EIF3L: variants seen among roughly 807,000 people sequenced by gnomAD.
The protein encoded by EIF3L is eukaryotic translation initiation factor 3 subunit L.
Under a neutral mutation model 74.6 loss-of-function variants are expected in EIF3L, and 32 were observed. The observed-to-expected ratio is 0.43, with a 90% CI of 0.32 to 0.58. The LOEUF is 0.58. Among genes scored for constraint, EIF3L ranks in the 20% least tolerant of loss-of-function variants. The probability of loss-of-function intolerance (pLI) is 0.06; values close to 1 mark genes in which losing one functional copy is unlikely to be tolerated. For missense variants in EIF3L, 474 were observed against 707.8 expected (o/e 0.67, Z 3.75); for synonymous variants, 256 against 254.4 (o/e 1.01, Z -0.06).
intron 3 of EIF3L, among the ~76,000 whole-genome samples, chr22:37,854,030 C>T (rs1035546351): frequency 6.6e-5 from 10 of 152,210 alleles, no homozygotes; most frequent in Admixed American, 2.6e-4. Context: ...GCAGTGCCCG[C>T]AGATACAGAT....
At chr22:37,849,737 C>G in intron 1 of EIF3L, 1 of 602,698 alleles carries the variant, frequency 1.7e-6, no homozygotes, top group South Asian at 2.1e-5. Flanking sequence ...TTCTGTGTTT[C>G]TGCACCTGAG....
In EIF3L at chr22:37,850,004, T is replaced by G; in HGVS notation, c.34-11T>G. On this transcript the variant is annotated splice_polypyrimidine_tract_variant and intron_variant, in intron 1 of 12. Transcript: ENST00000652021. ...TGGCGGCTGTCCTTGACTGTGTCTC[T>G]TTCCTTCTAGGCGGCTTATGACCCC... 1 of 1,613,682 alleles carries G rather than the reference T, an allele frequency of 6.2e-7. No homozygotes were observed. Among genetic ancestry groups the G allele is most frequent in the Non-Finnish European group, 8.5e-7 (1 of 1,179,722 alleles).
At chr22:37,854,924 A>G (rs763280691) in intron 3 of EIF3L, among the ~76,000 whole-genome samples, 3 of 152,030 alleles carry the variant, frequency 2.0e-5, no homozygotes, top group Admixed American at 2.0e-4. Flanking sequence ...TACAGGCGTG[A>G]GCCATCATGC....
In EIF3L at chr22:37,889,073, G is replaced by A. The variant is rs140384966; in HGVS notation, c.*609G>A. The A allele has an allele frequency of 1.5e-3, 235 of 151,938 alleles. 1 individual carries two copies. The highest frequency in any genetic ancestry group is 2.8e-3 in the Non-Finnish European group (193 of 68,092). The allele number at this position is 151,938 out of a possible 1,614,324, so 9.4% of individuals were successfully genotyped here. ...AAAATCTTTTTGTTTTTTTTTAGAC[G>A]GAGTCTCACTCTGTCGCCCAGGTTG... On this transcript the variant is annotated 3_prime_UTR_variant, in exon 13 of 13. Transcript: ENST00000652021.
intron 4 of EIF3L, among the ~76,000 whole-genome samples, chr22:37,858,117 A>C (rs1347247550): frequency 6.6e-6 from 1 of 151,718 alleles, no homozygotes; most frequent in East Asian, 1.9e-4. Context: ...TCGAGGCTGC[A>C]GTGAGCCATG....
chr22:37,867,406 C>G (rs1045460946), intron 7 of EIF3L, among the ~76,000 whole-genome samples: 1 of 152,228 alleles, frequency 6.6e-6, no homozygotes, highest in South Asian at 2.1e-4. Context: ...CGCCTGTAAT[C>G]TTAGCACTCT....
chr22:37,876,839 G>A (rs1301617494), intron 10 of EIF3L: 2 of 152,196 alleles, frequency 1.3e-5, no homozygotes, highest in African/African-American at 4.8e-5. Context: ...CAAGAATTGG[G>A]AGGAGCTTCC....
At chr22:37,858,524 T>A (rs1206110928) in intron 4 of EIF3L, 155 bp from the exon 5 acceptor site, 1 of 698,322 alleles carries the variant, frequency 1.4e-6, no homozygotes, top group African/African-American at 1.8e-5. Flanking sequence ...GAGAAGTGGA[T>A]TTTCTCATTG....
chr22:37,867,656 CAA>C lies in EIF3L; in HGVS notation c.580-2502_580-2501del, dbSNP rs59463385. The stretch of plus-strand genomic sequence containing the variant: ...TGGGCAGTAGAGTGAGATTCCGTCT[CAA>C]AAAAAAAAAAAAAAAAATCAGCGCG... On this transcript the variant is annotated intron_variant, in intron 7 of 12. Coordinates refer to ENST00000652021, the MANE Select transcript of EIF3L (RefSeq NM_016091.4). Among the ~76,000 whole-genome samples, 245 of 103,214 alleles carry C rather than the reference CAA, an allele frequency of 2.4e-3. 1 individual carries two copies. Among genetic ancestry groups the C allele is most frequent in the East Asian group, 0.015 (54 of 3,600 alleles). 67.7% of individuals were successfully genotyped at this position (103,214 alleles called of 152,430 possible).
chr22:37,870,702 A>T (rs181108785), intron 8 of EIF3L, among the ~76,000 whole-genome samples: 39 of 151,506 alleles, frequency 2.6e-4, no homozygotes, highest in East Asian at 1.9e-3. Context: ...ATTTTAAAAA[A>T]TTTTTTTCTT....
At chr22:37,862,379 A>G (rs1190945874) in intron 5 of EIF3L, among the ~76,000 whole-genome samples, 4 of 152,346 alleles carry the variant, frequency 2.6e-5, no homozygotes, top group African/African-American at 7.2e-5. Flanking sequence ...GGAGGGTCAG[A>G]TAATAAGTAT....
chr22:37,873,363 A>G (rs375825382), intron 8 of EIF3L, among the ~76,000 whole-genome samples: 142 of 150,916 alleles, frequency 9.4e-4, no homozygotes, highest in African/African-American at 3.2e-3. Context: ...CAGTGGCGCA[A>G]TCTGGGCTCA....
Position 37,888,719 on chromosome 22 carries a change from G to T in EIF3L, c.*255G>T. ...GTCCTGATGCTTTCAGGATACATCAGTTGTTAGTGTTTAAATTGAGTTATT... is the reference window on the plus strand; with the variant it reads ...GTCCTGATGCTTTCAGGATACATCATTTGTTAGTGTTTAAATTGAGTTATT... On this transcript the variant is annotated 3_prime_UTR_variant, in exon 13 of 13. Coordinates refer to ENST00000652021, the MANE Select transcript of EIF3L (RefSeq NM_016091.4). 2.1e-6 allele frequency: 1 copy of T among 477,322 alleles called. No homozygotes were observed. The highest frequency in any genetic ancestry group is 3.5e-5 in the South Asian group (1 of 28,936). The allele number at this position is 477,322 out of a possible 1,614,324, so 29.6% of individuals were successfully genotyped here. A position where few individuals can be genotyped will look rare whatever the true frequency, so the allele number is the denominator to read the frequency against.
At chr22:37,855,492 T>C (rs1925452329) in intron 3 of EIF3L, 73 bp from the exon 4 acceptor site, 3 of 1,384,680 alleles carry the variant, frequency 2.2e-6, no homozygotes, top group Non-Finnish European at 3.1e-6. Context: ...GCCTGGGTCC[T>C]CATCTGTAAA....
chr22:37,859,442 C>T (rs977520063), intron 5 of EIF3L, among the ~76,000 whole-genome samples: 1 of 132,378 alleles, frequency 7.6e-6, no homozygotes, highest in Non-Finnish European at 1.5e-5. Context: ...AGTACAGTGG[C>T]GCGATCTCAG....
chr22:37,871,516 A>G (rs991490680), intron 8 of EIF3L, among the ~76,000 whole-genome samples: 13 of 152,346 alleles, frequency 8.5e-5, no homozygotes, highest in Non-Finnish European at 1.3e-4. Context: ...GGCTGTGTGT[A>G]TAAGACATAT....
intron 1 of EIF3L, chr22:37,849,708 A>T: frequency 1.6e-6 from 1 of 610,102 alleles, no homozygotes; most frequent in Non-Finnish European, 2.9e-6. Context: ...AAGACCGGAG[A>T]CTAAGGCCTG....
At position 37,849,448 on chromosome 22, in the gene EIF3L, C is replaced by G. The variant is rs762476176; in HGVS notation, c.-2C>G. ...CCGGCGGTGCTCGCAAGCGAGGCAGCCATGTCTTATCCCGCTGATGATTAT... is the reference window on the plus strand; with the variant it reads ...CCGGCGGTGCTCGCAAGCGAGGCAGGCATGTCTTATCCCGCTGATGATTAT... On this transcript the variant is annotated 5_prime_UTR_variant, in exon 1 of 13. Coordinates refer to ENST00000652021, the MANE Select transcript of EIF3L (RefSeq NM_016091.4). 8.1e-6 allele frequency: 13 copies of G among 1,613,402 alleles called. No homozygotes were observed. The highest frequency in any genetic ancestry group is 8.0e-5 in the African/African-American group (6 of 74,918).
chr22:37,873,442 C>T (rs1926583696), intron 8 of EIF3L, among the ~76,000 whole-genome samples: 1 of 150,892 alleles, frequency 6.6e-6, no homozygotes, highest in Non-Finnish European at 1.5e-5. Context: ...GGGCTACAGG[C>T]GCCCACCACC....
Sources: gnomAD v4.1 joint callset for allele counts (sites outside exome capture counted in the v4.1 genomes callset) on GRCh38, gnomAD v4.1.1 for gene constraint, MANE v1.5 for transcripts, NCBI Gene and HGNC (gene_info 2026-07-23, HGNC 2026-07-21) for gene names.